MAP7: variants seen among roughly 807,000 people sequenced by gnomAD.
MAP7 encodes ensconsin.
MAP7 carries 52 observed loss-of-function variants against 94.8 expected under a neutral mutation model. That is an observed-to-expected ratio of 0.55 (90% CI 0.44 to 0.69). The LOEUF (loss-of-function observed/expected upper bound fraction) is 0.69. Ranked by LOEUF, MAP7 falls within the 30% of genes least tolerant of loss-of-function variation. The pLI is 0.00. For missense variants in MAP7, 940 were observed against 964.6 expected, an observed-to-expected ratio of 0.97 and a Z score of 0.34; for synonymous variants, 350 against 357.0, an observed-to-expected ratio of 0.98 and a Z score of 0.22.
chr6:136,546,141 G>C (rs1829722575), intron 1 of MAP7, among the ~76,000 whole-genome samples: 1 of 151,988 alleles, frequency 6.6e-6, no homozygotes. Flanking sequence ...GCCTCCCAAA[G>C]AGCTGGAACT....
intron 16 of MAP7, among the ~76,000 whole-genome samples, chr6:136,348,983 A>G (rs936754271): frequency 1.3e-5 from 2 of 152,228 alleles, no homozygotes; most frequent in Non-Finnish European, 2.9e-5. Flanking sequence ...TAGCCTCTGG[A>G]CTAGAGATTC....
chr6:136,355,163 G>C (rs1182402025), intron 16 of MAP7, among the ~76,000 whole-genome samples: 2 of 152,014 alleles, frequency 1.3e-5, no homozygotes, highest in South Asian at 2.1e-4. Flanking sequence ...AACAGAGTGA[G>C]AGTCTGTCTC....
intron 1 of MAP7, among the ~76,000 whole-genome samples, chr6:136,543,789 A>C (rs1309833589): frequency 1.3e-5 from 2 of 152,198 alleles, no homozygotes; most frequent in Non-Finnish European, 2.9e-5. Context: ...CTCACTACAA[A>C]GGTGCAGCAT....
At chr6:136,441,585 A>G (rs2128849788) in intron 1 of MAP7, among the ~76,000 whole-genome samples, 1 of 152,306 alleles carries the variant, frequency 6.6e-6, no homozygotes, top group South Asian at 2.1e-4. Flanking sequence ...TACCTTTGCA[A>G]ATCTCAGGAA....
At chr6:136,364,907 A>G (rs1205424622) in intron 10 of MAP7, 1 of 152,386 alleles carries the variant, frequency 6.6e-6, no homozygotes, top group Non-Finnish European at 1.5e-5. Flanking sequence ...TGCTGCTGCC[A>G]AATTCCTGAC....
chr6:136,377,221 A>G (rs1776434062), intron 7 of MAP7, among the ~76,000 whole-genome samples: 1 of 152,258 alleles, frequency 6.6e-6, no homozygotes, highest in South Asian at 2.1e-4. Flanking sequence ...AATGTAACAA[A>G]TAAGCATATT....
At chr6:136,414,827 T>C (rs1399154335) in intron 2 of MAP7, among the ~76,000 whole-genome samples, 1 of 151,262 alleles carries the variant, frequency 6.6e-6, no homozygotes, top group East Asian at 1.9e-4. Flanking sequence ...TTTTTTTTTT[T>C]TGAGACAGAG....
intron 1 of MAP7, among the ~76,000 whole-genome samples, chr6:136,456,822 G>GAAGAAGAAGAAGGAAGAAGAAGAA (rs1554259490): frequency 1.4e-5 from 1 of 69,034 alleles, no homozygotes; most frequent in East Asian, 6.8e-4. Flanking sequence ...AGAAGAAGAA[G>GAAGAAGAAGAAGGAAGAAGAAGAA]GAAGAAGAAG....
At chr6:136,360,079 G>T in intron 13 of MAP7, 48 bp from the exon 14 acceptor site, 1 of 1,444,842 alleles carries the variant, frequency 6.9e-7, no homozygotes, top group Non-Finnish European at 9.6e-7. Context: ...CAGAAAAAAA[G>T]CCAGCCTGGC....
intron 5 of MAP7, 46 bp from the exon 6 acceptor site, chr6:136,383,827 T>C (rs753034746): frequency 1.0e-5 from 12 of 1,166,212 alleles, no homozygotes; most frequent in Non-Finnish European, 1.3e-5. Context: ...ACATGTAGGA[T>C]TGCAATTTCC....
chr6:136,393,732 C>A (rs1056027534), intron 3 of MAP7, among the ~76,000 whole-genome samples: 4 of 151,520 alleles, frequency 2.6e-5, no homozygotes, highest in African/African-American at 9.7e-5. Context: ...AACTCCTGAA[C>A]TCAAGCAATC....
In MAP7 at chr6:136,365,980, G is replaced by A. The variant is rs1395187315; in HGVS notation, c.1028C>T (p.Pro343Leu). ...SKSLPHLPGT[P>L]RPTSSLPPGS... ...GGGTGGCAAGGAGGATGTCGGTCTG[G>A]GTGTGCCAGGCAAATGAGGAAGAGA... The change falls in exon 10 of 18, where the codon CCC becomes CTC. Residue 343 changes from proline to leucine, a missense_variant. Pro to Leu is a moderately conservative substitution (Grantham distance 98). Coordinates refer to ENST00000354570, the MANE Select transcript of MAP7 (RefSeq NM_003980.6). 3.1e-6 allele frequency: 5 copies of A among 1,612,692 alleles called. No individual in the cohort carries two copies. In the East Asian group the frequency reaches 1.1e-4, roughly 36 times the overall value.
chr6:136,500,170 G>A (rs1371351502), intron 1 of MAP7, among the ~76,000 whole-genome samples: 2 of 152,176 alleles, frequency 1.3e-5, no homozygotes, highest in African/African-American at 4.8e-5. Flanking sequence ...TTTATCATCT[G>A]ATTATTGTGA....
At chr6:136,423,858 TG>T (rs1179843463) in intron 1 of MAP7, among the ~76,000 whole-genome samples, 22 of 151,344 alleles carry the variant, frequency 1.5e-4, no homozygotes, top group Non-Finnish European at 4.4e-5. Context: ...TGCAATGGCA[TG>T]ATCTTGGCTC....
chr6:136,393,798 A>ATTTT (rs61666828), intron 3 of MAP7, among the ~76,000 whole-genome samples: 35 of 84,434 alleles, frequency 4.1e-4, no homozygotes, highest in African/African-American at 1.1e-3. Context: ...ATTCAGCAAA[A>ATTTT]TTTTTTTTTT....
rs996743125 is a variant in MAP7, at chr6:136,530,842, C to A, written c.67+19500G>T. 1.4e-5 allele frequency among the ~76,000 whole-genome samples: 2 copies of A among 144,996 alleles called. 1 individual carries two copies. The highest frequency in any genetic ancestry group is 5.7e-5 in the African/African-American group (2 of 35,016). On this transcript the variant is annotated intron_variant, in intron 1 of 17. Transcript: ENST00000354570. ...AAAACAGTAAATACTGCCCTAGTAG[C>A]GGTGATGCCATCAGCCAGAAGTACC...
At chr6:136,418,864 AACTCATATTGTCCTTTGAGGAG>A (rs1790359066) in intron 2 of MAP7, among the ~76,000 whole-genome samples, 1 of 152,250 alleles carries the variant, frequency 6.6e-6, no homozygotes, top group Non-Finnish European at 1.5e-5. Context: ...TCCAACACAT[AACTCATATTGTCCTTTGAGGAG>A]ACTCAGGAAA....
At chr6:136,347,919 T>C (rs1788128620) in intron 16 of MAP7, among the ~76,000 whole-genome samples, 1 of 152,114 alleles carries the variant, frequency 6.6e-6, no homozygotes, top group Non-Finnish European at 1.5e-5. Flanking sequence ...TACAGTGTGA[T>C]GATGCTTTTC....
intron 1 of MAP7, among the ~76,000 whole-genome samples, chr6:136,470,548 T>C (rs990198795): frequency 6.6e-6 from 1 of 152,178 alleles, no homozygotes; most frequent in African/African-American, 2.4e-5. Flanking sequence ...ATAGTTACCA[T>C]GCTGCACATT....
Sources: allele counts gnomAD v4.1 joint callset (sites outside exome capture counted in the v4.1 genomes callset), GRCh38; gene constraint gnomAD v4.1.1; transcripts MANE v1.5; gene names NCBI Gene and HGNC (gene_info 2026-07-23, HGNC 2026-07-21).